Variants in CSMD3 observed in about 807,000 individuals in gnomAD.
CSMD3 encodes CUB and Sushi multiple domains 3.
Under a neutral mutation model 435.2 loss-of-function variants are expected in CSMD3, and 177 were observed. That is an observed-to-expected ratio of 0.41 (90% confidence interval 0.36 to 0.46). CSMD3 has a LOEUF of 0.46. Among genes scored for constraint, CSMD3 ranks in the 20% least tolerant of loss-of-function variants. The pLI, the probability that CSMD3 is intolerant of heterozygous loss-of-function variation, is 0.34. For missense variants in CSMD3, 4,265 were observed against 4,504.6 expected (o/e 0.95, Z 1.52); for synonymous variants, 1,656 against 1,520.5 (o/e 1.09, Z -2.07).
At chr8:112,889,607 T>C (rs2081720853) in intron 10 of CSMD3, among the ~76,000 whole-genome samples, 1 of 151,688 alleles carries the variant, frequency 6.6e-6, no homozygotes, top group African/African-American at 2.4e-5. Flanking sequence ...AATGATTTCA[T>C]GTCTGCTTGG....
intron 3 of CSMD3, among the ~76,000 whole-genome samples, chr8:113,174,681 T>A (rs996365301): frequency 2.2e-4 from 33 of 151,738 alleles, no homozygotes; most frequent in Admixed American, 5.3e-4. Context: ...AATGAAAAAA[T>A]TTTTTTGAAA....
Position 112,289,441 on chromosome 8 carries a change from C to T in CSMD3, c.9072G>A (p.Lys3024=), listed in dbSNP as rs2130655923. The T allele has an allele frequency of 6.2e-7, 1 of 1,613,400 alleles. No homozygotes were observed. Among genetic ancestry groups the T allele is most frequent in the Non-Finnish European group, 8.5e-7 (1 of 1,179,558 alleles). Reference sequence around the variant, plus strand: ...TTGATGACTGGCCTAAAAGGGAACGCTTTCCTGTGCAGGAATAGTGAACAG... The same window carrying T: ...TTGATGACTGGCCTAAAAGGGAACGTTTTCCTGTGCAGGAATAGTGAACAG... ...GSTVHYSCTG[K]RSLLGQSSRT... is the part of the protein sequence containing the mutation. The change falls in exon 57 of 71, where the codon AAG becomes AAA. Residue 3024 remains lysine (K), a synonymous_variant. Transcript: ENST00000297405.
intron 5 of CSMD3, among the ~76,000 whole-genome samples, chr8:113,035,566 C>A (rs1036613644): frequency 6.6e-6 from 1 of 151,820 alleles, no homozygotes; most frequent in Admixed American, 6.6e-5. Flanking sequence ...ATCTTTATTG[C>A]AGCTATATGA....
intron 27 of CSMD3, among the ~76,000 whole-genome samples, chr8:112,525,362 T>A (rs565200430): frequency 1.3e-5 from 2 of 149,922 alleles, no homozygotes; most frequent in South Asian, 2.1e-4. Flanking sequence ...TGATTTATAT[T>A]AAATATACAT....
At position 112,313,966 on chromosome 8, in the gene CSMD3, A is replaced by C. The variant is rs974000815; in HGVS notation, c.7636T>G (p.Phe2546Val). ...CCATGATCTGCTGACCACTGAAGAA[A>C]TACTTCATGACCATTGCTTGTTATA... ...FNITSNGHEVFLQWSADHGNN... is the reference protein window; with the variant it reads ...FNITSNGHEVVLQWSADHGNN... Residue 2546 changes from phenylalanine to valine, a missense_variant, in exon 49 of 71, where the codon TTT becomes GTT. Coordinates refer to ENST00000297405, the MANE Select transcript of CSMD3 (RefSeq NM_198123.2). 16 of 1,611,840 alleles carry C rather than the reference A, an allele frequency of 9.9e-6. No individual in the cohort carries two copies. The highest frequency in any genetic ancestry group is 1.4e-5 in the Non-Finnish European group (16 of 1,178,282).
At chr8:112,779,926 T>A (rs1180979815) in intron 13 of CSMD3, among the ~76,000 whole-genome samples, 1 of 152,098 alleles carries the variant, frequency 6.6e-6, no homozygotes, top group African/African-American at 2.4e-5. Flanking sequence ...CTACTTACAG[T>A]AAATAAGGAA....
intron 5 of CSMD3, among the ~76,000 whole-genome samples, chr8:113,040,114 T>C (rs896150616): frequency 2.6e-5 from 4 of 152,130 alleles, no homozygotes; most frequent in Non-Finnish European, 5.9e-5. Flanking sequence ...GAAAGACCTG[T>C]CTGATAATGG....
At chr8:112,383,343 A>G (rs112829607) in intron 37 of CSMD3, among the ~76,000 whole-genome samples, 138 of 152,260 alleles carry the variant, frequency 9.1e-4, no homozygotes, top group African/African-American at 3.2e-3. Flanking sequence ...ACCATCAATA[A>G]ATAATTACAC....
At chr8:112,906,487 T>C (rs542545634) in intron 10 of CSMD3, among the ~76,000 whole-genome samples, 6 of 151,578 alleles carry the variant, frequency 4.0e-5, no homozygotes, top group Admixed American at 1.3e-4. Flanking sequence ...TCTCTAATAA[T>C]TGGAAAAGGA....
intron 1 of CSMD3, among the ~76,000 whole-genome samples, chr8:113,364,157 T>A (rs556144542): frequency 6.6e-6 from 1 of 152,184 alleles, no homozygotes; most frequent in African/African-American, 2.4e-5. Flanking sequence ...TCTGGAGCCA[T>A]TGGCTTACTT....
At chr8:112,687,366 ATTTAAG>A (rs1289539563) in intron 14 of CSMD3, among the ~76,000 whole-genome samples, 2 of 152,096 alleles carry the variant, frequency 1.3e-5, no homozygotes, top group African/African-American at 4.8e-5. Flanking sequence ...TAAACTGATC[ATTTAAG>A]TTTATGATCT....
intron 1 of CSMD3, among the ~76,000 whole-genome samples, chr8:113,408,618 G>A (rs562161828): frequency 4.0e-5 from 6 of 150,856 alleles, no homozygotes; most frequent in Admixed American, 1.3e-4. Flanking sequence ...AGAAGCATGC[G>A]CACAGTTACA....
rs565886337 is a variant in CSMD3 at position 113,067,808 on chromosome 8, G to A, written c.917+30948C>T. Among the ~76,000 whole-genome samples, 135 of 152,160 alleles carry A rather than the reference G, an allele frequency of 8.9e-4. 1 individual carries two copies. The highest frequency in any genetic ancestry group is 3.4e-3 in the Middle Eastern group (1 of 294). On this transcript the variant is annotated intron_variant, in intron 5 of 70. Transcript: ENST00000297405. ...GCTAGCAGTGGTTAATGCATGGTGT[G>A]CTTAGGGTATGAATGAGTTAATATC... is the stretch of plus-strand genomic sequence containing the variant.
intron 30 of CSMD3, among the ~76,000 whole-genome samples, chr8:112,501,223 A>C (rs2130902386): frequency 6.6e-6 from 1 of 152,070 alleles, no homozygotes; most frequent in East Asian, 1.9e-4. Context: ...ACATAGATAT[A>C]TTTTTGTAAT....
At chr8:112,306,232 A>G (rs1326121308) in intron 50 of CSMD3, 40 bp from the exon 51 acceptor site, 12 of 1,496,072 alleles carry the variant, frequency 8.0e-6, no homozygotes, top group Non-Finnish European at 1.0e-5. Context: ...TATAAACAGA[A>G]AAATGTTTAA....
At chr8:112,562,310 A>G (rs563238446) in intron 24 of CSMD3, among the ~76,000 whole-genome samples, 4 of 151,860 alleles carry the variant, frequency 2.6e-5, no homozygotes, top group Admixed American at 2.6e-4. Flanking sequence ...TAAAAGTGAC[A>G]TGTGAAAATT....
intron 5 of CSMD3, among the ~76,000 whole-genome samples, chr8:113,063,969 G>T (rs959805233): frequency 1.3e-5 from 2 of 151,128 alleles, no homozygotes; most frequent in Non-Finnish European, 3.0e-5. Flanking sequence ...AAATAGTAAG[G>T]TCTAAGCAAT....
At chr8:113,399,147 C>T (rs1372270959) in intron 1 of CSMD3, among the ~76,000 whole-genome samples, 1 of 135,482 alleles carries the variant, frequency 7.4e-6, no homozygotes, top group Non-Finnish European at 1.6e-5. Context: ...TGTATATATA[C>T]AGTAATTTTC....
intron 59 of CSMD3, among the ~76,000 whole-genome samples, chr8:112,278,589 C>T (rs1250490271): frequency 9.9e-5 from 15 of 152,048 alleles, no homozygotes; most frequent in Non-Finnish European, 2.9e-5. Flanking sequence ...GGTGTTGACT[C>T]CCATTCTATA....
Sources: allele counts gnomAD v4.1 joint callset (sites outside exome capture counted in the v4.1 genomes callset), GRCh38; gene constraint gnomAD v4.1.1; transcripts MANE v1.5; gene names NCBI Gene and HGNC (gene_info 2026-07-23, HGNC 2026-07-21).